The following ACKR3 variants were observed in gnomAD, a reference collection of about 807,000 sequenced individuals.
ACKR3 encodes the protein C-X-C chemokine receptor type 7.
ACKR3 carries 6 observed loss-of-function variants against 22.4 expected under a neutral mutation model. The ratio of observed to expected loss-of-function variants is 0.27; its 90% confidence interval spans 0.15 to 0.53. ACKR3 has a LOEUF of 0.53. ACKR3 is among the 20% of genes least tolerant of loss of function. ACKR3 has a pLI of 0.96. For synonymous variants in ACKR3, 209 were observed against 205.2 expected (o/e 1.02, Z -0.16); for missense variants, 396 against 475.2 (o/e 0.83, Z 1.55).
chr2:236,572,580 G>A (rs1342542528), intron 1 of ACKR3, among the ~76,000 whole-genome samples: 2 of 152,232 alleles, frequency 1.3e-5, no homozygotes. Context: ...GTCTGGCTTA[G>A]GGCGGGGGTG....
rs572150746 is a variant in ACKR3, at chr2:236,574,303, C to A, written c.-27+4379C>A. Among the ~76,000 whole-genome samples, 1 of 152,220 alleles carries A rather than the reference C, an allele frequency of 6.6e-6. No individual in the cohort carries two copies. The highest frequency in any genetic ancestry group is 2.1e-4 in the South Asian group (1 of 4,802). The stretch of plus-strand genomic sequence containing the variant: ...CGATTAACTGCTGGCTCATTGAGTA[C>A]CTACTATGTGCAGCTGTAGCTGTAT... On this transcript the variant is annotated intron_variant, in intron 1 of 1. Transcript: ENST00000272928. The surrounding 1 kb of genome is among the most constrained non-coding windows in gnomAD (Gnocchi z 5.6).
At chr2:236,547,354 A>G in the ACKR3 span, among the ~76,000 whole-genome samples, 1 of 152,214 alleles carries the variant, frequency 6.6e-6, no homozygotes, top group South Asian at 2.1e-4. Flanking sequence ...AATGTTCTTT[A>G]GAGAGGCAAA....
chr2:236,560,466 G>A, the ACKR3 span, among the ~76,000 whole-genome samples: 2 of 151,966 alleles, frequency 1.3e-5, no homozygotes, highest in Non-Finnish European at 2.9e-5. Context: ...ATTTGACATA[G>A]GCATGTCTTC....
At chr2:236,549,777 G>A in the ACKR3 span, among the ~76,000 whole-genome samples, 1 of 152,190 alleles carries the variant, frequency 6.6e-6, no homozygotes, top group East Asian at 1.9e-4. This position sits in a 1 kb window ranked among gnomAD's most constrained non-coding sequence, Gnocchi z 5.3. Context: ...AACTATGGTG[G>A]AGCCCTGTAC....
chr2:236,543,861 G>A, the ACKR3 span, among the ~76,000 whole-genome samples: 660 of 145,882 alleles, frequency 4.5e-3, 5 homozygotes, highest in African/African-American at 0.014. Context: ...TTACTATATC[G>A]TTATATCCAC....
rs578187393 is a variant in ACKR3, at chr2:236,581,096, G to A, written c.631G>A (p.Gly211Ser). The part of the protein sequence containing the change: ...PEHSIKEWLI[G>S]MELVSVVLGF... ...GCACAGCATCAAGGAGTGGCTGATC[G>A]GCATGGAGCTGGTCTCCGTTGTCTT... Residue 211 changes from glycine (G) to serine (S), a missense_variant, in exon 2 of 2, where the codon GGC becomes AGC. By Grantham distance (56) the Gly-to-Ser change is moderately conservative (BLOSUM62 0). Transcript: ENST00000272928. The surrounding 1 kb of genome is among the most constrained non-coding windows in gnomAD (Gnocchi z 4.4). 1.3e-5 allele frequency: 21 copies of A among 1,614,172 alleles called. No individual in the cohort carries two copies. Among genetic ancestry groups the A allele is most frequent in the South Asian group, 4.4e-5 (4 of 91,078 alleles).
chr2:236,564,750 A>G (rs6740928), upstream of ACKR3, among the ~76,000 whole-genome samples: 2,367 of 152,084 alleles, frequency 0.016, 59 homozygotes, highest in African/African-American at 0.051. Flanking sequence ...TTAAGAATAT[A>G]TTTTTTCTGT....
the ACKR3 span, among the ~76,000 whole-genome samples, chr2:236,548,399 A>G: frequency 1.3e-5 from 2 of 152,202 alleles, no homozygotes; most frequent in African/African-American, 4.8e-5. The surrounding 1 kb of genome is among the most constrained non-coding windows in gnomAD (Gnocchi z 4.3). Context: ...CAAAGATGTT[A>G]TGAAATCAGG....
rs893264405 is a variant in ACKR3, at chr2:236,577,213, A to C, written c.-26-3227A>C. On this transcript the variant is annotated intron_variant, in intron 1 of 1. Transcript: ENST00000272928. The surrounding 1 kb of genome is among the most constrained non-coding windows in gnomAD (Gnocchi z 5.6). ...AGCTCCAGCCTCCGCTCTCTCATTC[A>C]GCCCTTGGGCAGCAACAGCCATGCC... 6.6e-6 allele frequency among the ~76,000 whole-genome samples: 1 copy of C among 152,200 alleles called. No homozygotes were observed. Among genetic ancestry groups the C allele is most frequent in the African/African-American group, 2.4e-5 (1 of 41,452 alleles).
the ACKR3 span, among the ~76,000 whole-genome samples, chr2:236,541,082 TA>T: frequency 0.18 from 27,367 of 152,172 alleles, 3,513 homozygotes; most frequent in African/African-American, 0.36. Flanking sequence ...GGCTAATCTA[TA>T]AAAAAGCATT....
At chr2:236,554,721 C>T in the ACKR3 span, among the ~76,000 whole-genome samples, 1 of 152,228 alleles carries the variant, frequency 6.6e-6, no homozygotes, top group Non-Finnish European at 1.5e-5. Context: ...GGCACCAGAG[C>T]AGGTGCGAGC....
Position 236,581,137 on chromosome 2 carries a change from C to T in ACKR3, c.672C>T (p.Pro224=), listed in dbSNP as rs1691520819. The T allele has an allele frequency of 6.2e-7, 1 of 1,614,230 alleles. No homozygotes were observed. The highest frequency in any genetic ancestry group is 8.5e-7 in the Non-Finnish European group (1 of 1,180,048). Residue 224 remains proline, a synonymous_variant, in exon 2 of 2, where the codon CCC becomes CCT. Coordinates refer to ENST00000272928, the MANE Select transcript of ACKR3 (RefSeq NM_020311.3). This position sits in a 1 kb window ranked among gnomAD's most constrained non-coding sequence, Gnocchi z 4.4. ...CCGTTGTCTTGGGCTTTGCCGTTCC[C>T]TTCTCCATTATCGCTGTCTTCTACT... ...LVSVVLGFAV[P]FSIIAVFYFL...
chr2:236,574,453 GA>G lies in ACKR3; in HGVS notation c.-27+4530del, dbSNP rs1292119696. ...ATGGTACAAAAGCCATTCCAGAATAGAGATGTGCAGTGTGGGGCCAGGAGAA... is the reference window on the plus strand; with the variant it reads ...ATGGTACAAAAGCCATTCCAGAATAGGATGTGCAGTGTGGGGCCAGGAGAA... On this transcript the variant is annotated intron_variant, in intron 1 of 1. Coordinates refer to ENST00000272928, the MANE Select transcript of ACKR3 (RefSeq NM_020311.3). This position sits in a 1 kb window ranked among gnomAD's most constrained non-coding sequence, Gnocchi z 5.6. 1.3e-5 allele frequency among the ~76,000 whole-genome samples: 2 copies of G among 152,156 alleles called. No homozygotes were observed. Among genetic ancestry groups the G allele is most frequent in the African/African-American group, 4.8e-5 (2 of 41,418 alleles).
the ACKR3 span, among the ~76,000 whole-genome samples, chr2:236,553,636 C>T: frequency 0.13 from 19,950 of 152,288 alleles, 1,612 homozygotes; most frequent in African/African-American, 0.23. Flanking sequence ...TCCCTGGCCA[C>T]GGTTGAAGGC....
At chr2:236,550,959 G>C in the ACKR3 span, among the ~76,000 whole-genome samples, 13 of 152,264 alleles carry the variant, frequency 8.5e-5, no homozygotes, top group South Asian at 2.5e-3. This position sits in a 1 kb window ranked among gnomAD's most constrained non-coding sequence, Gnocchi z 4.6. Context: ...CTTCCTTTTG[G>C]TTTCGTATTA....
At chr2:236,539,317 T>C in the ACKR3 span, among the ~76,000 whole-genome samples, 2 of 145,422 alleles carry the variant, frequency 1.4e-5, no homozygotes, top group Admixed American at 6.8e-5. Context: ...TTTTTTTTTT[T>C]TTTTTTTGTT....
chr2:236,557,142 A>G, the ACKR3 span, among the ~76,000 whole-genome samples: 88 of 152,360 alleles, frequency 5.8e-4, 1 homozygote, highest in East Asian at 0.016. Context: ...AGTTACAAAC[A>G]TGGAAATGGA....
At chr2:236,571,301 C>G (rs753168786) in intron 1 of ACKR3, among the ~76,000 whole-genome samples, 1 of 152,190 alleles carries the variant, frequency 6.6e-6, no homozygotes, top group Non-Finnish European at 1.5e-5. Context: ...GTGCACACAA[C>G]TGCAGAGCTT....
chr2:236,543,527 G>A, the ACKR3 span, among the ~76,000 whole-genome samples: 1 of 152,146 alleles, frequency 6.6e-6, no homozygotes, highest in Non-Finnish European at 1.5e-5. Context: ...GAGAGTTATT[G>A]ATATGTCGTG....
Sources: allele counts gnomAD v4.1 joint callset (sites outside exome capture counted in the v4.1 genomes callset), GRCh38; gene constraint gnomAD v4.1.1; non-coding constraint Gnocchi (gnomAD v3.1); transcripts MANE v1.5; gene names NCBI Gene and HGNC (gene_info 2026-07-23, HGNC 2026-07-21).